The following FARS2 variants were observed in gnomAD, a reference collection of about 807,000 sequenced individuals.
FARS2 encodes the protein phenylalanyl-tRNA synthetase 2, mitochondrial, also known as phenylalanine--tRNA ligase, mitochondrial.
In FARS2, 40 loss-of-function variants were observed where a neutral mutation model predicts 46.4. That is an observed-to-expected ratio of 0.86 (90% CI 0.67 to 1.12). FARS2 has a LOEUF of 1.12. Ranked by LOEUF, FARS2 falls within the 50% of genes most tolerant of loss-of-function variation. FARS2 has a pLI of 0.00. For missense variants in FARS2, 513 were observed against 567.9 expected (o/e 0.90, Z 0.98); for synonymous variants, 234 against 214.9 (o/e 1.09, Z -0.78).
At chr6:5,262,543 T>A (rs1033958464) in intron 1 of FARS2, among the ~76,000 whole-genome samples, 1 of 152,196 alleles carries the variant, frequency 6.6e-6, no homozygotes, top group Admixed American at 6.5e-5. Context: ...CCTCCCAAAA[T>A]GCTGGGATTA....
At chr6:5,428,580 TA>T (rs1397525106) in intron 3 of FARS2, among the ~76,000 whole-genome samples, 1 of 152,164 alleles carries the variant, frequency 6.6e-6, no homozygotes, top group African/African-American at 2.4e-5. Flanking sequence ...AGATAGAAAT[TA>T]TTTTGTCTGT....
Position 5,420,852 on chromosome 6 carries a change from G to A in FARS2, c.773-10189G>A, listed in dbSNP as rs556020502. On this transcript the variant is annotated intron_variant, in intron 3 of 6. Coordinates refer to ENST00000274680, the MANE Select transcript of FARS2 (RefSeq NM_006567.5). ...TGAAGCTTTTTGCCTCCCTCCTGCC[G>A]CAAGCCCACAGTGTGCCATCCTGCA... Among the ~76,000 whole-genome samples the A allele has an allele frequency of 3.3e-5, 5 of 152,094 alleles. No individual in the cohort carries two copies. The South Asian group carries it at 8.3e-4, about 25-fold the overall frequency.
At chr6:5,378,603 A>G (rs893360925) in intron 2 of FARS2, among the ~76,000 whole-genome samples, 2 of 152,110 alleles carry the variant, frequency 1.3e-5, no homozygotes, top group Non-Finnish European at 2.9e-5. Context: ...AGTGAGTGAC[A>G]GGGTTTTATT....
At chr6:5,525,659 A>G (rs2150439373) in intron 4 of FARS2, among the ~76,000 whole-genome samples, 1 of 152,352 alleles carries the variant, frequency 6.6e-6, no homozygotes, top group Admixed American at 6.5e-5. Flanking sequence ...AAGGAGGAAA[A>G]AGCAGTTCAA....
chr6:5,481,404 T>C (rs926455562), intron 4 of FARS2, among the ~76,000 whole-genome samples: 5 of 152,248 alleles, frequency 3.3e-5, no homozygotes, highest in African/African-American at 1.2e-4. Flanking sequence ...TGGGGCACAT[T>C]GCAAGCTGTC....
intron 4 of FARS2, among the ~76,000 whole-genome samples, chr6:5,492,659 A>G (rs533971484): frequency 2.6e-5 from 4 of 152,366 alleles, no homozygotes; most frequent in South Asian, 4.1e-4. Context: ...TTTGTATTCA[A>G]CAAGTATTTA....
chr6:5,259,599 G>A (rs894452998), upstream of FARS2, among the ~76,000 whole-genome samples: 3 of 152,108 alleles, frequency 2.0e-5, no homozygotes, highest in Non-Finnish European at 2.9e-5. Flanking sequence ...CCCATCTCAG[G>A]GCCTGCCAGC....
chr6:5,323,720 T>C (rs945330675), intron 1 of FARS2, among the ~76,000 whole-genome samples: 4 of 152,200 alleles, frequency 2.6e-5, no homozygotes, highest in East Asian at 1.9e-4. Context: ...TCAAGGACTT[T>C]CCAGAGCTGA....
chr6:5,432,071 A>G (rs910004683), intron 4 of FARS2, among the ~76,000 whole-genome samples: 3 of 150,536 alleles, frequency 2.0e-5, no homozygotes, highest in African/African-American at 7.3e-5. Context: ...CCGTCCCAGC[A>G]CTTTGGGAGG....
chr6:5,410,053 T>C (rs1761846223), intron 3 of FARS2, among the ~76,000 whole-genome samples: 1 of 152,198 alleles, frequency 6.6e-6, no homozygotes, highest in African/African-American at 2.4e-5. Flanking sequence ...CAGTGCTGTG[T>C]GCTTCCTTCA....
chr6:5,407,350 T>A (rs1761674789), intron 3 of FARS2, among the ~76,000 whole-genome samples: 1 of 152,044 alleles, frequency 6.6e-6, no homozygotes, highest in Non-Finnish European at 1.5e-5. Context: ...AATATGTATT[T>A]AAAGAGAATC....
intron 6 of FARS2, among the ~76,000 whole-genome samples, chr6:5,639,936 A>G (rs1776727612): frequency 6.6e-6 from 1 of 152,118 alleles, no homozygotes; most frequent in Admixed American, 6.5e-5. Flanking sequence ...GCTTTTCCTC[A>G]GTGGTCTCTT....
At chr6:5,540,052 G>A (rs901282789) in intron 4 of FARS2, among the ~76,000 whole-genome samples, 9 of 152,146 alleles carry the variant, frequency 5.9e-5, no homozygotes, top group South Asian at 2.1e-4. Flanking sequence ...TGTGAAGTTC[G>A]TTCGCCCTTT....
At chr6:5,337,575 T>G (rs189509875) in intron 1 of FARS2, among the ~76,000 whole-genome samples, 1 of 152,342 alleles carries the variant, frequency 6.6e-6, no homozygotes, top group East Asian at 1.9e-4. Context: ...AAGGATGTTT[T>G]TCATTATTCG....
intron 6 of FARS2, among the ~76,000 whole-genome samples, chr6:5,643,224 A>C (rs1776911442): frequency 6.6e-6 from 1 of 152,224 alleles, no homozygotes; most frequent in Non-Finnish European, 1.5e-5. Flanking sequence ...GGTGAGGCAA[A>C]GAACTGAAAT....
chr6:5,510,713 C>T (rs1286461274), intron 4 of FARS2, among the ~76,000 whole-genome samples: 1 of 152,198 alleles, frequency 6.6e-6, no homozygotes, highest in African/African-American at 2.4e-5. Flanking sequence ...ATGAGCTTGA[C>T]CCCATATGTA....
intron 5 of FARS2, among the ~76,000 whole-genome samples, chr6:5,561,660 G>A (rs1010813697): frequency 2.6e-5 from 4 of 151,996 alleles, no homozygotes; most frequent in African/African-American, 9.7e-5. Flanking sequence ...ATCCTGCTTA[G>A]TATTTGGAGG....
intron 6 of FARS2, among the ~76,000 whole-genome samples, chr6:5,681,399 T>A (rs1390413112): frequency 1.3e-5 from 2 of 152,228 alleles, no homozygotes; most frequent in East Asian, 3.8e-4. Context: ...TCATGTTATG[T>A]CCATGAGGGA....
intron 5 of FARS2, among the ~76,000 whole-genome samples, chr6:5,573,245 G>A (rs190696511): frequency 1.2e-4 from 18 of 152,278 alleles, no homozygotes; most frequent in African/African-American, 4.3e-4. Context: ...TTATAGCCAT[G>A]ACTCTGTTCA....
Sources: gnomAD v4.1 joint callset for allele counts (sites outside exome capture counted in the v4.1 genomes callset) on GRCh38, gnomAD v4.1.1 for gene constraint, MANE v1.5 for transcripts, NCBI Gene and HGNC (gene_info 2026-07-23, HGNC 2026-07-21) for gene names.